Variants in FOCAD observed in about 807,000 individuals in gnomAD.
FOCAD encodes the protein KIAA1797.
FOCAD carries 198 observed loss-of-function variants against 225.6 expected under a neutral mutation model. The observed-to-expected ratio is 0.88, with a 90% CI of 0.78 to 0.99. The LOEUF is 0.99. Ranked by LOEUF, FOCAD falls within the 50% of genes least tolerant of loss-of-function variation. FOCAD has a pLI of 0.00. For missense variants in FOCAD, 2,713 were observed against 2,123.6 expected (o/e 1.28, Z -5.46); for synonymous variants, 897 against 755.0 (o/e 1.19, Z -3.08).
chr9:20,847,359 G>A (rs1827218784), intron 15 of FOCAD, among the ~76,000 whole-genome samples: 1 of 151,990 alleles, frequency 6.6e-6, no homozygotes, highest in African/African-American at 2.4e-5. Context: ...ATTTCACATA[G>A]CATAATGTTT....
chr9:20,886,400 A>G (rs1465414740), intron 21 of FOCAD, among the ~76,000 whole-genome samples: 1 of 152,136 alleles, frequency 6.6e-6, no homozygotes, highest in Non-Finnish European at 1.5e-5. Flanking sequence ...TTGTGTTTTA[A>G]GCTGTGCACT....
intron 28 of FOCAD, among the ~76,000 whole-genome samples, chr9:20,934,144 G>A (rs1040774138): frequency 1.3e-4 from 20 of 151,906 alleles, no homozygotes; most frequent in African/African-American, 2.7e-4. Context: ...GAAGATTTTC[G>A]CCCACTCTGT....
chr9:20,969,068 AG>A (rs1839529563), intron 35 of FOCAD, among the ~76,000 whole-genome samples: 1 of 151,992 alleles, frequency 6.6e-6, no homozygotes, highest in Admixed American at 6.6e-5. Context: ...TCCATTTATT[AG>A]TGAGTTTTCC....
chr9:20,960,280 A>G (rs1445687926), intron 35 of FOCAD, among the ~76,000 whole-genome samples: 1 of 152,196 alleles, frequency 6.6e-6, no homozygotes, highest in Non-Finnish European at 1.5e-5. Flanking sequence ...GTAGAGTATG[A>G]CAGACGTGGA....
At chr9:20,666,722 T>C (rs1241140635) in intron 2 of FOCAD, among the ~76,000 whole-genome samples, 1 of 152,186 alleles carries the variant, frequency 6.6e-6, no homozygotes, top group Non-Finnish European at 1.5e-5. Flanking sequence ...TCTAGAAAAT[T>C]ATGGTGATGG....
At chr9:20,957,261 T>G (rs1838246179) in intron 35 of FOCAD, among the ~76,000 whole-genome samples, 1 of 107,378 alleles carries the variant, frequency 9.3e-6, no homozygotes, top group Non-Finnish European at 2.1e-5. Context: ...ATGGAAACAA[T>G]GTTGCCTAGT....
intron 15 of FOCAD, among the ~76,000 whole-genome samples, chr9:20,852,574 C>T (rs1170034804): frequency 1.3e-5 from 2 of 151,726 alleles, no homozygotes; most frequent in African/African-American, 4.8e-5. Flanking sequence ...TCGTGGAATT[C>T]TATCTTTGTA....
intron 24 of FOCAD, 87 bp downstream of exon 24, chr9:20,917,024 C>T: frequency 2.8e-6 from 3 of 1,062,222 alleles, no homozygotes; most frequent in Non-Finnish European, 4.0e-6. Context: ...TAGGGCATTT[C>T]ATAATTTTAA....
rs190350701 is a variant in FOCAD, at chr9:20,688,863, A to T, written c.-33+4570A>T. The stretch of plus-strand genomic sequence containing the variant: ...TGGATCATTAATTTGTAATAATACT[A>T]GTTCATATGATTCTGTGACTTTTGG... On this transcript the variant is annotated intron_variant, in intron 1 of 43. Transcript: ENST00000338382. Among the ~76,000 whole-genome samples the T allele has an allele frequency of 9.5e-4, 145 of 152,354 alleles. 1 individual carries two copies. Among genetic ancestry groups the T allele is most frequent in the African/African-American group, 3.3e-3 (138 of 41,576 alleles).
At chr9:20,849,389 T>C (rs1399384260) in intron 15 of FOCAD, among the ~76,000 whole-genome samples, 1 of 151,834 alleles carries the variant, frequency 6.6e-6, no homozygotes, top group Non-Finnish European at 1.5e-5. Flanking sequence ...CTGGTTTTTT[T>C]TTTCTGTTTT....
chr9:20,710,196 A>C (rs1824716401), intron 1 of FOCAD, among the ~76,000 whole-genome samples: 1 of 151,312 alleles, frequency 6.6e-6, no homozygotes, highest in African/African-American at 2.4e-5. Flanking sequence ...TTAGATCATC[A>C]GAAAACTCTG....
At chr9:20,676,217 A>G (rs766230408) in intron 2 of FOCAD, among the ~76,000 whole-genome samples, 21 of 152,222 alleles carry the variant, frequency 1.4e-4, no homozygotes, top group Admixed American at 2.6e-4. Flanking sequence ...AGAAGTTCCA[A>G]TGGTGAACTT....
intron 7 of FOCAD, 81 bp downstream of exon 7, chr9:20,765,154 C>T (rs556444402): frequency 3.9e-6 from 5 of 1,290,622 alleles, no homozygotes; most frequent in East Asian, 2.4e-5. Flanking sequence ...AGTTCTAGAA[C>T]ATAAGTGATT....
At chr9:20,670,019 A>G (rs188573794) in intron 2 of FOCAD, among the ~76,000 whole-genome samples, 11 of 152,334 alleles carry the variant, frequency 7.2e-5, no homozygotes, top group Non-Finnish European at 1.6e-4. Flanking sequence ...AAGTCATTTA[A>G]AATTTTGCAA....
chr9:20,777,304 G>GTTTTTTTTTTTTTTTTTTTTTTGTTT (rs35710134), intron 8 of FOCAD, among the ~76,000 whole-genome samples: 1 of 110,866 alleles, frequency 9.0e-6, no homozygotes, highest in African/African-American at 3.4e-5. Flanking sequence ...TTTCCTGTGG[G>GTTTTTTTTTTTTTTTTTTTTTTGTTT]TTTTTTTTTT....
Position 20,853,975 on chromosome 9 carries a change from A to G in FOCAD, c.1921-8603A>G, listed in dbSNP as rs1827921362. On this transcript the variant is annotated intron_variant, in intron 15 of 43. Coordinates refer to ENST00000338382, the MANE Select transcript of FOCAD (RefSeq NM_001375567.1). ...TTTGGTAACAGAAGCATCCTGTTTT[A>G]TGAATTGTGTGTGCTGAATTAGCTT... Among the ~76,000 whole-genome samples the G allele has an allele frequency of 3.3e-5, 5 of 151,724 alleles. No homozygotes were observed. The South Asian group carries it at 1.0e-3, about 31-fold the overall frequency.
Position 20,916,918 on chromosome 9 carries a change from A to G in FOCAD, c.2833A>G (p.Ile945Val). Residue 945 changes from isoleucine to valine, a missense_variant, in exon 24 of 44, where the codon ATC becomes GTC. Transcript: ENST00000338382. ...GGTTAGAGACATGCTGACTGATGAG[A>G]TCACCAAGGCAGCTGCAAAGTAAGA... is the stretch of plus-strand genomic sequence containing the variant. ...LWVRDMLTDE[I>V]TKAAAKESPV... The G allele has an allele frequency of 1.2e-6, 2 of 1,605,106 alleles. No homozygotes were observed. Among genetic ancestry groups the G allele is most frequent in the Non-Finnish European group, 1.7e-6 (2 of 1,176,902 alleles).
At chr9:20,951,555 T>G (rs1038941036) in intron 34 of FOCAD, among the ~76,000 whole-genome samples, 2 of 152,230 alleles carry the variant, frequency 1.3e-5, no homozygotes, top group Admixed American at 1.3e-4. Flanking sequence ...CATGTTTCAT[T>G]AAAAGTCTCT....
At chr9:20,764,311 T>C (rs1054483996) in intron 6 of FOCAD, among the ~76,000 whole-genome samples, 4 of 152,216 alleles carry the variant, frequency 2.6e-5, no homozygotes, top group Admixed American at 2.0e-4. Context: ...TGGAGTGCAG[T>C]GGAGCAATCT....
Sources: gnomAD v4.1 joint callset for allele counts (sites outside exome capture counted in the v4.1 genomes callset) on GRCh38, gnomAD v4.1.1 for gene constraint, MANE v1.5 for transcripts, NCBI Gene and HGNC (gene_info 2026-07-23, HGNC 2026-07-21) for gene names.